Variants in KDM4B observed in about 807,000 individuals in gnomAD.
The protein encoded by KDM4B is lysine demethylase 4B.
A neutral mutation model predicts 125.2 loss-of-function variants in KDM4B; 32 were observed. The ratio of observed to expected loss-of-function variants is 0.26; its 90% confidence interval spans 0.19 to 0.34. The LOEUF (loss-of-function observed/expected upper bound fraction) is 0.34, where lower values mean the gene tolerates loss of function less well. Ranked by LOEUF, KDM4B falls within the 10% of genes least tolerant of loss-of-function variation. KDM4B has a pLI of 1.00. For synonymous variants in KDM4B, 721 were observed against 677.9 expected (o/e 1.06, Z -0.99); for missense variants, 1,190 against 1,577.7 (o/e 0.75, Z 4.16).
chr19:5,077,449 G>A lies in KDM4B; in HGVS notation c.759G>A (p.Lys253=). 6.2e-7 allele frequency: 1 copy of A among 1,613,402 alleles called. No individual in the cohort carries two copies. Among genetic ancestry groups the A allele is most frequent in the Non-Finnish European group, 8.5e-7 (1 of 1,179,962 alleles). The change falls in exon 8 of 23, where the codon AAG becomes AAA. Residue 253 remains lysine, a synonymous_variant. Transcript: ENST00000159111. ...MTLISPIILK[K]YGIPFSRITQ... is the part of the protein sequence containing the mutation. ...TCATCTCGCCCATCATCCTGAAGAA[G>A]TACGGGATCCCCTTCAGCCGGGTGC...
chr19:5,139,505 C>T (rs1186458976), intron 18 of KDM4B, among the ~76,000 whole-genome samples: 1 of 152,230 alleles, frequency 6.6e-6, no homozygotes, highest in African/African-American at 2.4e-5. Context: ...GAGGAAACTG[C>T]TCTCCCTTGC....
In KDM4B at chr19:5,038,636, G is replaced by A. The variant is rs73542580; in HGVS notation, c.142-1200G>A. 2.5e-3 allele frequency among the ~76,000 whole-genome samples: 376 copies of A among 152,346 alleles called. 1 individual carries two copies. Among genetic ancestry groups the A allele is most frequent in the African/African-American group, 8.5e-3 (352 of 41,574 alleles). ...CTCTGGGGTGGAAGTCCACGTGGCC[G>A]CCAGGCTAGAGGTCCTGGGCCATAG... On this transcript the variant is annotated intron_variant, in intron 3 of 22. Transcript: ENST00000159111.
At chr19:5,086,994 C>T (rs981723489) in intron 9 of KDM4B, among the ~76,000 whole-genome samples, 2 of 152,238 alleles carry the variant, frequency 1.3e-5, no homozygotes, top group Non-Finnish European at 2.9e-5. Flanking sequence ...CCAGAGCCTC[C>T]GGGTGGAGCT....
chr19:5,095,253 G>A (rs1345156948), intron 9 of KDM4B, among the ~76,000 whole-genome samples: 1 of 152,226 alleles, frequency 6.6e-6, no homozygotes, highest in African/African-American at 2.4e-5. Context: ...TGGCGCTGCA[G>A]CTGACGAGAG....
intron 1 of KDM4B, among the ~76,000 whole-genome samples, chr19:4,976,566 A>G (rs1163047098): frequency 6.6e-6 from 1 of 152,196 alleles, no homozygotes; most frequent in African/African-American, 2.4e-5. Context: ...GCATTGCACA[A>G]TTTCACAAGG....
intron 9 of KDM4B, among the ~76,000 whole-genome samples, chr19:5,098,539 C>G (rs2145942286): frequency 6.6e-6 from 1 of 152,212 alleles, no homozygotes; most frequent in South Asian, 2.1e-4. Context: ...CATTTAAAAC[C>G]CCTGGCAGCA....
intron 9 of KDM4B, among the ~76,000 whole-genome samples, chr19:5,098,719 G>A (rs1414084439): frequency 6.6e-6 from 1 of 152,086 alleles, no homozygotes; most frequent in Non-Finnish European, 1.5e-5. Context: ...GATGGGATCA[G>A]TGCCCTTATG....
At chr19:5,055,387 C>T (rs1029250563) in intron 6 of KDM4B, among the ~76,000 whole-genome samples, 4 of 152,232 alleles carry the variant, frequency 2.6e-5, no homozygotes, top group African/African-American at 4.8e-5. Context: ...ATTTTCATAT[C>T]GCCTTTTGCT....
At chr19:5,120,027 G>A (rs915969779) in intron 11 of KDM4B, among the ~76,000 whole-genome samples, 175 bp downstream of exon 11, 10 of 152,258 alleles carry the variant, frequency 6.6e-5, no homozygotes, top group Admixed American at 2.6e-4. Flanking sequence ...GGTGGAGGCC[G>A]TAAGAAAAGT....
At chr19:5,062,422 C>T (rs939155039) in intron 6 of KDM4B, among the ~76,000 whole-genome samples, 2 of 152,256 alleles carry the variant, frequency 1.3e-5, no homozygotes, top group African/African-American at 4.8e-5. Flanking sequence ...GCCCTTCCTC[C>T]CGTCCGTCCC....
intron 9 of KDM4B, among the ~76,000 whole-genome samples, chr19:5,099,642 T>C (rs899864994): frequency 1.3e-5 from 2 of 152,206 alleles, no homozygotes; most frequent in African/African-American, 4.8e-5. Flanking sequence ...AGGGGCTTCT[T>C]GAGAAAGGAA....
intron 10 of KDM4B, chr19:5,119,074 G>A (rs2039310101): frequency 7.9e-7 from 1 of 1,272,158 alleles, no homozygotes; most frequent in Non-Finnish European, 1.1e-6. Context: ...CTGGGGAGTT[G>A]AGCAGAAGTC....
At chr19:5,066,300 G>C (rs1026216210) in intron 6 of KDM4B, among the ~76,000 whole-genome samples, 3 of 152,192 alleles carry the variant, frequency 2.0e-5, no homozygotes, top group Admixed American at 6.5e-5. Context: ...TAGAGGGTCC[G>C]GGGGCTGCCC....
chr19:5,129,907 T>G (rs946331070), intron 11 of KDM4B, among the ~76,000 whole-genome samples: 1 of 152,100 alleles, frequency 6.6e-6, no homozygotes, highest in Non-Finnish European at 1.5e-5. Flanking sequence ...TTACCCTGAG[T>G]GCGGCGGCCC....
At chr19:5,008,477 G>C (rs377749874) in intron 1 of KDM4B, among the ~76,000 whole-genome samples, 8 of 151,570 alleles carry the variant, frequency 5.3e-5, no homozygotes, top group African/African-American at 1.9e-4. Context: ...AAATAATATG[G>C]TTCTTACATT....
chr19:5,047,332 G>A (rs577871675), intron 5 of KDM4B, 144 bp from the exon 6 acceptor site: 11 of 697,618 alleles, frequency 1.6e-5, no homozygotes, highest in South Asian at 9.3e-5. Flanking sequence ...GGGTATGACC[G>A]GCCCCTGGGG....
intron 9 of KDM4B, among the ~76,000 whole-genome samples, chr19:5,104,395 C>T (rs888099995): frequency 9.9e-5 from 15 of 152,034 alleles, no homozygotes; most frequent in African/African-American, 3.1e-4. Context: ...ACATGGGAGA[C>T]GTGACTCTTT....
chr19:5,144,205 A>G lies in KDM4B; in HGVS notation c.2737-43A>G, dbSNP rs201471190. ...CAGCCCCTGGCTCCCGCCCCCACCG[A>G]CACCCGCGCTGACCGCCCCCCACAC... is the stretch of plus-strand genomic sequence containing the variant. On this transcript the variant is annotated intron_variant, in intron 19 of 22. Transcript: ENST00000159111. The G allele has an allele frequency of 2.6e-6, 4 of 1,526,714 alleles. No homozygotes were observed. The East Asian group carries it at 7.0e-5, about 27-fold the overall frequency. The allele number at this position is 1,526,714 out of a possible 1,614,324, so 94.6% of individuals were successfully genotyped here. A position where few individuals can be genotyped will look rare whatever the true frequency, so the allele number is the denominator to read the frequency against.
In KDM4B at chr19:5,057,237, G is replaced by A. The variant is rs951692666; in HGVS notation, c.626+9568G>A. Among the ~76,000 whole-genome samples the A allele has an allele frequency of 5.3e-5, 8 of 152,258 alleles. No homozygotes were observed. The South Asian group carries it at 6.2e-4, about 12-fold the overall frequency. On this transcript the variant is annotated intron_variant, in intron 6 of 22. Transcript: ENST00000159111. ...CCTTGCCTCTCCCCTTTGCCAGGCC[G>A]CGTGTGCCTGTGGCCCGGGCAGTGA...
Sources: gnomAD v4.1 joint callset for allele counts (sites outside exome capture counted in the v4.1 genomes callset) on GRCh38, gnomAD v4.1.1 for gene constraint, MANE v1.5 for transcripts, NCBI Gene and HGNC (gene_info 2026-07-23, HGNC 2026-07-21) for gene names.